The following GPALPP1 variants were observed in gnomAD, a reference collection of about 807,000 sequenced individuals.
GPALPP1 encodes the protein GPALPP motifs containing 1.
Under a neutral mutation model 38.9 loss-of-function variants are expected in GPALPP1, and 30 were observed. The observed-to-expected ratio is 0.77, with a 90% CI of 0.58 to 1.05. The LOEUF is 1.05. GPALPP1 is among the 50% of genes least tolerant of loss of function. The pLI, the probability that GPALPP1 is intolerant of heterozygous loss-of-function variation, is 0.00. For synonymous variants in GPALPP1, 120 were observed against 139.2 expected, an observed-to-expected ratio of 0.86 and a Z score of 0.97; for missense variants, 384 against 408.8, an observed-to-expected ratio of 0.94 and a Z score of 0.52.
chr13:44,999,588 T>A (rs1873522791), intron 1 of GPALPP1, among the ~76,000 whole-genome samples: 1 of 152,190 alleles, frequency 6.6e-6, no homozygotes, highest in South Asian at 2.1e-4. Context: ...AATATTCTTC[T>A]CTTTTTTCTT....
At chr13:45,015,685 AT>A in intron 6 of GPALPP1, 89 bp downstream of exon 6, 2 of 884,200 alleles carry the variant, frequency 2.3e-6, no homozygotes, top group South Asian at 3.2e-5. Flanking sequence ...TAAGGGTACT[AT>A]TTTTTAAAAT....
downstream of GPALPP1, chr13:45,033,539 G>C (rs932254228): frequency 1.2e-4 from 18 of 152,252 alleles, no homozygotes; most frequent in South Asian, 8.3e-4. Context: ...TTTACTAAGA[G>C]AATGCTTTTA....
chr13:45,034,047 T>C (rs1247089229), downstream of GPALPP1: 1 of 152,230 alleles, frequency 6.6e-6, no homozygotes, highest in East Asian at 1.9e-4. Context: ...ATGATAGGAA[T>C]CTGAACATGT....
At chr13:45,031,045 A>G (rs939338315), downstream of GPALPP1, 8 of 152,166 alleles carry the variant, frequency 5.3e-5, no homozygotes, top group African/African-American at 2.4e-5. Context: ...AATCCCAGCT[A>G]CTCAGGAGGC....
In GPALPP1 at chr13:45,015,412, GTT is replaced by G. The variant is rs754211206; in HGVS notation, c.541-11_541-10del. ...ACACGATATGTACTTTCTATGCTGTGTTTTTTTTTTCTCTTAAAGGATTCATC... is the reference window on the plus strand; with the variant it reads ...ACACGATATGTACTTTCTATGCTGTGTTTTTTTTCTCTTAAAGGATTCATC... On this transcript the variant is annotated intron_variant, in intron 5 of 7. Coordinates refer to ENST00000379151, the MANE Select transcript of GPALPP1 (RefSeq NM_018559.5). 6.8e-6 allele frequency: 9 copies of G among 1,317,230 alleles called. No individual in the cohort carries two copies. Among genetic ancestry groups the G allele is most frequent in the Admixed American group, 2.5e-5 (1 of 39,748 alleles). The allele number at this position is 1,317,230 out of a possible 1,614,324, so 81.6% of individuals were successfully genotyped here.
chr13:44,997,291 C>G (rs1873363499), intron 1 of GPALPP1, among the ~76,000 whole-genome samples: 1 of 152,106 alleles, frequency 6.6e-6, no homozygotes. Flanking sequence ...AGGGAGCACA[C>G]AGGTCTGAGA....
chr13:44,999,922 A>G (rs11619825), intron 1 of GPALPP1, among the ~76,000 whole-genome samples: 4,865 of 152,232 alleles, frequency 0.032, 108 homozygotes, highest in East Asian at 0.12. Flanking sequence ...CTATCATTTC[A>G]TGATGAAATA....
chr13:45,034,441 G>C (rs1876334005), downstream of GPALPP1: 1 of 152,190 alleles, frequency 6.6e-6, no homozygotes, highest in Non-Finnish European at 1.5e-5. Flanking sequence ...TAGTTAGAGT[G>C]ATAAGAAGTC....
chr13:45,008,158 C>T (rs1318084586), intron 3 of GPALPP1, among the ~76,000 whole-genome samples: 1 of 152,230 alleles, frequency 6.6e-6, no homozygotes, highest in Non-Finnish European at 1.5e-5. Flanking sequence ...AACAGATGCA[C>T]TGCTTGAAAT....
intron 4 of GPALPP1, among the ~76,000 whole-genome samples, chr13:45,014,635 A>G (rs1593397381): frequency 6.6e-6 from 1 of 152,114 alleles, no homozygotes; most frequent in Admixed American, 6.6e-5. Context: ...ATAGTTGTCT[A>G]ATTATTGTAC....
chr13:45,003,750 T>C (rs1356808687), intron 1 of GPALPP1, among the ~76,000 whole-genome samples: 1 of 152,168 alleles, frequency 6.6e-6, no homozygotes, highest in Non-Finnish European at 1.5e-5. Context: ...TGCAGCCTCA[T>C]TCTCTTCCCT....
chr13:45,010,072 C>T (rs560070837), intron 4 of GPALPP1, among the ~76,000 whole-genome samples: 6 of 152,300 alleles, frequency 3.9e-5, no homozygotes, highest in Non-Finnish European at 5.9e-5. Context: ...CTCCCTAAGT[C>T]AAAACCAAAG....
At chr13:45,014,418 T>A (rs1874688939) in intron 4 of GPALPP1, among the ~76,000 whole-genome samples, 1 of 152,166 alleles carries the variant, frequency 6.6e-6, no homozygotes, top group African/African-American at 2.4e-5. Context: ...GGAAAAAATA[T>A]ACTGGCCTTG....
At chr13:45,024,159 G>C (rs1371236887) in intron 7 of GPALPP1, among the ~76,000 whole-genome samples, 8 of 12,044 alleles carry the variant, frequency 6.6e-4, no homozygotes, top group African/African-American at 1.4e-3. Context: ...GTGTGTGTGT[G>C]TGTGTGTGTG....
At chr13:45,015,114 C>G in intron 5 of GPALPP1, 31 bp downstream of exon 5, 7 of 1,369,386 alleles carry the variant, frequency 5.1e-6, no homozygotes, top group Non-Finnish European at 7.0e-6. Context: ...AAGAAATACA[C>G]TAAATAGATT....
At chr13:44,998,099 G>A (rs949459468) in intron 1 of GPALPP1, among the ~76,000 whole-genome samples, 6 of 152,112 alleles carry the variant, frequency 3.9e-5, no homozygotes, top group African/African-American at 1.4e-4. Context: ...TGAACAAGTA[G>A]ATGCCATCAT....
At chr13:45,027,691 G>T (rs1593410028) in intron 7 of GPALPP1, 94 bp from the exon 8 acceptor site, 1 of 612,212 alleles carries the variant, frequency 1.6e-6, no homozygotes, top group Non-Finnish European at 2.9e-6. Context: ...TCCTTAATGT[G>T]CACCATTACT....
At chr13:44,989,899 G>A (rs113161947) in intron 1 of GPALPP1, 157 bp downstream of exon 1, 14 of 609,580 alleles carry the variant, frequency 2.3e-5, no homozygotes, top group East Asian at 1.4e-4. Context: ...ACAGTAGCAG[G>A]GGGGAGGAGG....
At chr13:45,020,040 A>G (rs563735859) in intron 6 of GPALPP1, among the ~76,000 whole-genome samples, 59 of 151,876 alleles carry the variant, frequency 3.9e-4, no homozygotes, top group Non-Finnish European at 7.4e-4. Context: ...ACCCGCCACC[A>G]TGCCCAGCTT....
Sources: gnomAD v4.1 joint callset for allele counts (sites outside exome capture counted in the v4.1 genomes callset) on GRCh38, gnomAD v4.1.1 for gene constraint, MANE v1.5 for transcripts, NCBI Gene and HGNC (gene_info 2026-07-23, HGNC 2026-07-21) for gene names.